The following MECOM variants were observed in gnomAD, a reference collection of about 807,000 sequenced individuals.
The protein encoded by MECOM is histone-lysine N-methyltransferase MECOM.
Under a neutral mutation model 116.3 loss-of-function variants are expected in MECOM, and 13 were observed. The observed-to-expected ratio is 0.11, with a 90% CI of 0.07 to 0.18. The LOEUF (loss-of-function observed/expected upper bound fraction) is 0.18. MECOM is among the 10% of genes least tolerant of loss of function. The pLI is 1.00. For synonymous variants in MECOM, 528 were observed against 535.2 expected, an observed-to-expected ratio of 0.99 and a Z score of 0.19; for missense variants, 1,299 against 1,509.0, an observed-to-expected ratio of 0.86 and a Z score of 2.31.
intron 2 of MECOM, among the ~76,000 whole-genome samples, chr3:169,376,487 G>A (rs986750314): frequency 2.6e-5 from 4 of 152,086 alleles, no homozygotes; most frequent in Non-Finnish European, 5.9e-5. Flanking sequence ...AAAGTCTCAG[G>A]ATACAACATC....
chr3:169,654,298 CA>C (rs1410508407), intron 1 of MECOM, among the ~76,000 whole-genome samples: 2 of 152,150 alleles, frequency 1.3e-5, no homozygotes, highest in Non-Finnish European at 2.9e-5. Context: ...TGATAATAAA[CA>C]GAGCAAAGTA....
chr3:169,109,296 G>T (rs183826177), intron 9 of MECOM, among the ~76,000 whole-genome samples: 144 of 152,232 alleles, frequency 9.5e-4, no homozygotes, highest in African/African-American at 2.3e-3. Flanking sequence ...AAGAAAACTA[G>T]AAGACTAAAT....
At chr3:169,129,870 C>A (rs1023132131) in intron 4 of MECOM, among the ~76,000 whole-genome samples, 8 of 152,148 alleles carry the variant, frequency 5.3e-5, no homozygotes, top group Non-Finnish European at 1.0e-4. Flanking sequence ...GATATAATTT[C>A]TTTCCCACAG....
chr3:169,507,650 CTTTTTTTTTTTTTTTTT>C lies in MECOM; in HGVS notation c.38-126143_38-126127del, dbSNP rs1165167849. ...CAATTTTGGTTTAAATCCCCACTTGCTTTTTTTTTTTTTTTTTTTTTTTTTTTTTGAGATGGAGTCTC... is the reference window on the plus strand; with the variant it reads ...CAATTTTGGTTTAAATCCCCACTTGCTTTTTTTTTTTTGAGATGGAGTCTC... On this transcript the variant is annotated intron_variant, in intron 1 of 16. Transcript: ENST00000651503. Among the ~76,000 whole-genome samples, 2 of 57,150 alleles carry C rather than the reference CTTTTTTTTTTTTTTTTT, an allele frequency of 3.5e-5. 1 individual carries two copies. Among genetic ancestry groups the C allele is most frequent in the South Asian group, 1.1e-3 (2 of 1,842 alleles). 37.5% of individuals were successfully genotyped at this position (57,150 alleles called of 152,430 possible). A position where few individuals can be genotyped will look rare whatever the true frequency, so the allele number is the denominator to read the frequency against.
intron 2 of MECOM, among the ~76,000 whole-genome samples, chr3:169,158,055 T>G (rs908431626): frequency 1.3e-5 from 2 of 149,608 alleles, no homozygotes; most frequent in Non-Finnish European, 3.0e-5. Context: ...TATACAATTT[T>G]ATATTCCTCC....
At chr3:169,148,312 A>G (rs967290116) in intron 2 of MECOM, among the ~76,000 whole-genome samples, 1 of 152,240 alleles carries the variant, frequency 6.6e-6, no homozygotes. Context: ...AACGTTTAAC[A>G]TCATAAATGC....
At chr3:169,414,981 T>G (rs1560242639) in intron 1 of MECOM, among the ~76,000 whole-genome samples, 1 of 152,212 alleles carries the variant, frequency 6.6e-6, no homozygotes, top group South Asian at 2.1e-4. Context: ...CCAGGAGAAC[T>G]TCTGCAACCT....
intron 7 of MECOM, among the ~76,000 whole-genome samples, chr3:169,119,460 C>T (rs1418220066): frequency 6.6e-6 from 1 of 152,138 alleles, no homozygotes; most frequent in Non-Finnish European, 1.5e-5. Context: ...AAGGGACACC[C>T]TATGGCACTT....
chr3:169,325,341 T>C (rs1446756771), intron 2 of MECOM, among the ~76,000 whole-genome samples: 1 of 152,162 alleles, frequency 6.6e-6, no homozygotes, highest in East Asian at 1.9e-4. Context: ...TTTCTATCTG[T>C]AAGAGGATTC....
At chr3:169,369,299 A>G (rs984435860) in intron 2 of MECOM, among the ~76,000 whole-genome samples, 1 of 148,064 alleles carries the variant, frequency 6.8e-6, no homozygotes, top group Non-Finnish European at 1.5e-5. Flanking sequence ...GAGACAGTCC[A>G]TGGTGCTTCT....
chr3:169,662,997 C>A lies in MECOM; in HGVS notation c.37+339G>T, dbSNP rs1253830575. 4.1e-5 allele frequency among the ~76,000 whole-genome samples: 6 copies of A among 146,084 alleles called. No individual in the cohort carries two copies. The East Asian group carries it at 1.3e-3, about 31-fold the overall frequency. On this transcript the variant is annotated intron_variant, in intron 1 of 16. Transcript: ENST00000651503. ...GACTTTCTCCTCTTCTCTTCCCCCC[C>A]ACCCCACCCCTTCGCGCTCACTCTC...
chr3:169,488,972 TAAAAC>T (rs1752741644), intron 1 of MECOM, among the ~76,000 whole-genome samples: 2 of 152,044 alleles, frequency 1.3e-5, no homozygotes, highest in South Asian at 4.2e-4. Context: ...TTTAAACTAA[TAAAAC>T]AGATGAAATT....
In MECOM at chr3:169,453,435, C is replaced by T. The variant is rs28637009; in HGVS notation, c.38-71911G>A. ...AAAACTGGGCTCCTAGCCACAATGACAGTCAAGACAAAGCCCTATCTCCCG... is the reference window on the plus strand; with the variant it reads ...AAAACTGGGCTCCTAGCCACAATGATAGTCAAGACAAAGCCCTATCTCCCG... On this transcript the variant is annotated intron_variant, in intron 1 of 16. Coordinates refer to ENST00000651503, the MANE Select transcript of MECOM (RefSeq NM_004991.4). 1.0e-2 allele frequency among the ~76,000 whole-genome samples: 1,518 copies of T among 152,306 alleles called. 22 individuals are homozygous for T. Among genetic ancestry groups the T allele is most frequent in the African/African-American group, 0.035 (1,462 of 41,570 alleles).
chr3:169,149,579 G>C (rs545959936), intron 2 of MECOM: 55 of 396,092 alleles, frequency 1.4e-4, no homozygotes, highest in South Asian at 1.0e-3. Context: ...CGGCAACACA[G>C]CTCTGCCTTC....
In MECOM at chr3:169,580,340, G is replaced by A. The variant is rs1411232385; in HGVS notation, c.37+82996C>T. On this transcript the variant is annotated intron_variant, in intron 1 of 16. Transcript: ENST00000651503. ...ACCCATCACCCGAGCAGGGTACGCT[G>A]TACCCAATGTGTAGTGTTTGGGTAC... 3.9e-5 allele frequency among the ~76,000 whole-genome samples: 6 copies of A among 152,258 alleles called. No individual in the cohort carries two copies. The South Asian group carries it at 1.2e-3, about 32-fold the overall frequency.
chr3:169,194,196 T>C (rs993106753), intron 2 of MECOM, among the ~76,000 whole-genome samples: 86 of 151,978 alleles, frequency 5.7e-4, no homozygotes, highest in African/African-American at 2.0e-3. Context: ...TTCTCTGCTA[T>C]ATAAAAAAAT....
At chr3:169,544,107 T>C (rs962637150) in intron 1 of MECOM, among the ~76,000 whole-genome samples, 5 of 152,160 alleles carry the variant, frequency 3.3e-5, no homozygotes, top group African/African-American at 1.2e-4. Flanking sequence ...AGGCTGGTCT[T>C]GAACTCCTGA....
intron 1 of MECOM, among the ~76,000 whole-genome samples, chr3:169,499,913 T>C (rs1311832500): frequency 1.3e-5 from 2 of 152,014 alleles, no homozygotes; most frequent in Non-Finnish European, 2.9e-5. Context: ...AATACACAGC[T>C]TGGTAACATT....
intron 1 of MECOM, among the ~76,000 whole-genome samples, chr3:169,569,748 T>G (rs1763659373): frequency 6.6e-6 from 1 of 152,132 alleles, no homozygotes; most frequent in African/African-American, 2.4e-5. Flanking sequence ...AATAACACAA[T>G]TAAGGCAGAA....
Sources: gnomAD v4.1 joint callset for allele counts (sites outside exome capture counted in the v4.1 genomes callset) on GRCh38, gnomAD v4.1.1 for gene constraint, MANE v1.5 for transcripts, NCBI Gene and HGNC (gene_info 2026-07-23, HGNC 2026-07-21) for gene names.